Variants in NLRP8 observed in about 807,000 individuals in gnomAD.
NLRP8 encodes the protein NACHT, LRR and PYD domains-containing protein 8.
A neutral mutation model predicts 88.7 loss-of-function variants in NLRP8; 86 were observed. The ratio of observed to expected loss-of-function variants is 0.97; its 90% confidence interval spans 0.81 to 1.16. NLRP8 has a LOEUF of 1.16. Ranked by LOEUF, NLRP8 falls within the 50% of genes most tolerant of loss-of-function variation. NLRP8 has a pLI of 0.00. For missense variants in NLRP8, 1,342 were observed against 1,286.5 expected (o/e 1.04, Z -0.66); for synonymous variants, 504 against 494.6 (o/e 1.02, Z -0.25).
At position 55,988,376 on chromosome 19, in the gene NLRP8, CAG is replaced by C. The variant is rs1422763526; in HGVS notation, c.*466_*467del. On this transcript the variant is annotated 3_prime_UTR_variant, in exon 10 of 10. Coordinates refer to ENST00000291971, the MANE Select transcript of NLRP8 (RefSeq NM_176811.2). Reference sequence around the variant, plus strand: ...CGCCATTGCACTCCAGCCTGGGCGACAGAGCAAGACTCTGTCTCAAGAAGAAA... The same window carrying C: ...CGCCATTGCACTCCAGCCTGGGCGACAGCAAGACTCTGTCTCAAGAAGAAA... 6.8e-6 allele frequency: 1 copy of C among 146,340 alleles called. No individual in the cohort carries two copies. Among genetic ancestry groups the C allele is most frequent in the Non-Finnish European group, 1.5e-5 (1 of 67,534 alleles). The allele number at this position is 146,340 out of a possible 1,614,324, so 9.1% of individuals were successfully genotyped here.
chr19:55,955,971 A>G lies in NLRP8; in HGVS notation c.1913A>G (p.Asn638Ser), dbSNP rs1305180853. 6.2e-7 allele frequency: 1 copy of G among 1,614,204 alleles called. No homozygotes were observed. The change falls in exon 3 of 10, where the codon AAC (asparagine) becomes AGC (serine). Residue 638 changes from asparagine to serine, a missense_variant. Asn to Ser is a conservative substitution (Grantham distance 46). Transcript: ENST00000291971. ...CATAAAGTTGTCTTGAGAATTGGCA[A>G]CAACAAAGAAGTTCAAGTGTCTGCT...
rs1037280057 is a variant in NLRP8 at position 55,967,450 on chromosome 19, T to G, written c.2381+1070T>G. Reference sequence around the variant, plus strand: ...CACAAATAAGTGAGAACATGCTGTTTGTCTTTCTGTGCCTGGCTTATTTCA... The same window carrying G: ...CACAAATAAGTGAGAACATGCTGTTGGTCTTTCTGTGCCTGGCTTATTTCA... On this transcript the variant is annotated intron_variant, in intron 5 of 9. Coordinates refer to ENST00000291971, the MANE Select transcript of NLRP8 (RefSeq NM_176811.2). Among the ~76,000 whole-genome samples the G allele has an allele frequency of 3.3e-5, 5 of 152,362 alleles. No homozygotes were observed. In the East Asian group the frequency reaches 9.6e-4, roughly 29 times the overall value.
In NLRP8 at chr19:55,955,353, C is replaced by T. The variant is rs757843479; in HGVS notation, c.1295C>T (p.Ser432Phe). Reference sequence around the variant, plus strand: ...ACCTCTGTGTTCGTCCGGTATATTTCTAGCTTGTTTCCCACCAGAGCTGAG... The same window carrying T: ...ACCTCTGTGTTCGTCCGGTATATTTTTAGCTTGTTTCCCACCAGAGCTGAG... Residue 432 changes from serine (S) to phenylalanine (F), a missense_variant, in exon 3 of 10, where the codon TCT becomes TTT. Ser to Phe is a radical substitution (Grantham distance 155, BLOSUM62 -2). Coordinates refer to ENST00000291971, the MANE Select transcript of NLRP8 (RefSeq NM_176811.2). 5 of 1,614,210 alleles carry T rather than the reference C, an allele frequency of 3.1e-6. No individual in the cohort carries two copies. Among genetic ancestry groups the T allele is most frequent in the Non-Finnish European group, 2.5e-6 (3 of 1,180,038 alleles).
intron 1 of NLRP8, among the ~76,000 whole-genome samples, chr19:55,950,440 C>T (rs1979041074): frequency 6.6e-6 from 1 of 151,888 alleles, no homozygotes; most frequent in Non-Finnish European, 1.5e-5. Flanking sequence ...CACACACACA[C>T]ACACACAGAG....
chr19:55,955,872 G>C lies in NLRP8; in HGVS notation c.1814G>C (p.Gly605Ala). 3 of 1,614,136 alleles carry C rather than the reference G, an allele frequency of 1.9e-6. No homozygotes were observed. Among genetic ancestry groups the C allele is most frequent in the Non-Finnish European group, 2.5e-6 (3 of 1,180,026 alleles). Residue 605 changes from glycine to alanine, a missense_variant, in exon 3 of 10, where the codon GGG becomes GCG. Coordinates refer to ENST00000291971, the MANE Select transcript of NLRP8 (RefSeq NM_176811.2). ...TGTGACCCACCTTCTCCGGGCAGTGGGGTCCCGCAGTTATTCTACTGTCTG... is the reference window on the plus strand; with the variant it reads ...TGTGACCCACCTTCTCCGGGCAGTGCGGTCCCGCAGTTATTCTACTGTCTG...
intron 7 of NLRP8, among the ~76,000 whole-genome samples, chr19:55,974,136 G>A (rs562921154): frequency 4.0e-5 from 6 of 151,314 alleles, no homozygotes; most frequent in South Asian, 4.2e-4. Context: ...CGACTACCTC[G>A]AGGTGTAAGA....
rs747386047 is a variant in NLRP8 at position 55,956,083 on chromosome 19, C to T, written c.2025C>T (p.Ser675=). 2 of 1,612,716 alleles carry T rather than the reference C, an allele frequency of 1.2e-6. No homozygotes were observed. Among genetic ancestry groups the T allele is most frequent in the Non-Finnish European group, 1.7e-6 (2 of 1,179,128 alleles). The change falls in exon 3 of 10, where the codon AGC becomes AGT. Residue 675 remains serine, a synonymous_variant. Transcript: ENST00000291971. The stretch of plus-strand genomic sequence containing the variant: ...TGAACGTGTGGAAGCTCAGCTCCAG[C>T]TCCCATCCTGGCTCTGAGTAAGTGC...
chr19:55,949,947 A>G (rs1979017560), intron 1 of NLRP8, among the ~76,000 whole-genome samples: 1 of 152,176 alleles, frequency 6.6e-6, no homozygotes, highest in Admixed American at 6.5e-5. Context: ...CTCTTTGAGG[A>G]AATGATGCTA....
At chr19:55,976,355 G>C (rs76671648) in intron 8 of NLRP8, 52 bp downstream of exon 8, 3 of 1,442,516 alleles carry the variant, frequency 2.1e-6, no homozygotes, top group East Asian at 4.8e-5. Flanking sequence ...GTATATAAGC[G>C]TCTCTCAGGA....
In NLRP8 at chr19:55,952,535, C is replaced by T. The variant is rs75717582; in HGVS notation, c.368-3C>T. ...TGGAACAGCCTCCTTTTTTCTGTTA[C>T]AGCCATTCTGCCTACCTTGGAACCA... On this transcript the variant is annotated splice_region_variant and splice_polypyrimidine_tract_variant and intron_variant, in intron 1 of 9. Transcript: ENST00000291971. The T allele has an allele frequency of 6.2e-6, 10 of 1,613,002 alleles. No homozygotes were observed. Among genetic ancestry groups the T allele is most frequent in the Non-Finnish European group, 8.5e-6 (10 of 1,179,214 alleles).
chr19:55,986,483 C>CACAT (rs1980840946), intron 9 of NLRP8, among the ~76,000 whole-genome samples: 1 of 149,516 alleles, frequency 6.7e-6, no homozygotes, highest in African/African-American at 2.5e-5. Context: ...TACACACACA[C>CACAT]ACACACACAC....
intron 5 of NLRP8, among the ~76,000 whole-genome samples, chr19:55,967,569 T>C (rs1034693957): frequency 6.6e-6 from 1 of 152,208 alleles, no homozygotes; most frequent in African/African-American, 2.4e-5. Flanking sequence ...TGTGTATATG[T>C]ACCACATTTT....
chr19:55,955,926 G>A lies in NLRP8; in HGVS notation c.1868G>A (p.Ser623Asn), dbSNP rs1268559454. The A allele has an allele frequency of 1.3e-5, 21 of 1,614,174 alleles. No homozygotes were observed. Among genetic ancestry groups the A allele is most frequent in the Non-Finnish European group, 1.8e-5 (21 of 1,180,028 alleles). Residue 623 changes from serine to asparagine, a missense_variant, in exon 3 of 10, where the codon AGC becomes AAC. Coordinates refer to ENST00000291971, the MANE Select transcript of NLRP8 (RefSeq NM_176811.2). ...GAAATCCGGGAGGAAGCCTTTGTAA[G>A]CCAAGCCCTAAATGATTATCATAAA...
chr19:55,948,339 C>T, intron 1 of NLRP8, 70 bp downstream of exon 1: 1 of 1,475,616 alleles, frequency 6.8e-7, no homozygotes. Context: ...CTCTAGTCAC[C>T]ACCCCTATCA....
chr19:55,954,453 A>C, intron 2 of NLRP8, 48 bp from the exon 3 acceptor site: 1 of 1,565,946 alleles, frequency 6.4e-7, no homozygotes. Context: ...AGTTCTTGCA[A>C]TTCACTCTGA....
At chr19:55,950,533 C>A (rs115329981) in intron 1 of NLRP8, among the ~76,000 whole-genome samples, 1 of 152,136 alleles carries the variant, frequency 6.6e-6, no homozygotes, top group Admixed American at 6.5e-5. Flanking sequence ...TTCGTAACCC[C>A]CAAATCAATA....
At chr19:55,949,079 T>C (rs1257404155) in intron 1 of NLRP8, among the ~76,000 whole-genome samples, 2 of 152,142 alleles carry the variant, frequency 1.3e-5, no homozygotes, top group Admixed American at 6.5e-5. Context: ...TGGCCAAAAA[T>C]AGATGAGTAC....
chr19:55,987,860 C>T lies in NLRP8; in HGVS notation c.3094C>T (p.His1032Tyr). The T allele has an allele frequency of 1.2e-6, 2 of 1,614,088 alleles. No homozygotes were observed. The highest frequency in any genetic ancestry group is 1.7e-6 in the Non-Finnish European group (2 of 1,179,994). The change falls in exon 10 of 10, where the codon CAC becomes TAC. Residue 1032 changes from histidine to tyrosine, a missense_variant. Coordinates refer to ENST00000291971, the MANE Select transcript of NLRP8 (RefSeq NM_176811.2). ...AATAACTAGCTTCTCCCCAACTCCT[C>T]ACCCACCCGACTTCACGGGAAAAAG...
rs924573883 is a variant in NLRP8, at chr19:55,987,978, C to A, written c.*65C>A. On this transcript the variant is annotated 3_prime_UTR_variant, in exon 10 of 10. Transcript: ENST00000291971. ...TCCCACTCTGACAACTGGCAAATACCAGGCGTTATCATCCTGTATGCATTA... is the reference window on the plus strand; with the variant it reads ...TCCCACTCTGACAACTGGCAAATACAAGGCGTTATCATCCTGTATGCATTA... The A allele has an allele frequency of 3.2e-6, 4 of 1,257,696 alleles. No homozygotes were observed. The highest frequency in any genetic ancestry group is 4.7e-6 in the Non-Finnish European group (4 of 857,720). 77.9% of individuals were successfully genotyped at this position (1,257,696 alleles called of 1,614,324 possible).
Sources: gnomAD v4.1 joint callset for allele counts (sites outside exome capture counted in the v4.1 genomes callset) on GRCh38, gnomAD v4.1.1 for gene constraint, MANE v1.5 for transcripts, NCBI Gene and HGNC (gene_info 2026-07-23, HGNC 2026-07-21) for gene names.